Variants in CR2 observed in about 807,000 individuals in gnomAD.
The protein encoded by CR2 is complement C3d receptor 2.
In CR2, 96 loss-of-function variants were observed where a neutral mutation model predicts 123.0. The ratio of observed to expected loss-of-function variants is 0.78; its 90% CI spans 0.66 to 0.93. The LOEUF is 0.93. CR2 is among the 40% of genes least tolerant of loss of function. The pLI is 0.00. For synonymous variants in CR2, 484 were observed against 469.5 expected, an observed-to-expected ratio of 1.03 and a Z score of -0.40; for missense variants, 1,258 against 1,361.0, an observed-to-expected ratio of 0.92 and a Z score of 1.19.
chr1:207,487,382 G>A (rs1658779189), intron 19 of CR2, among the ~76,000 whole-genome samples: 1 of 152,124 alleles, frequency 6.6e-6, no homozygotes, highest in South Asian at 2.1e-4. Flanking sequence ...TACTTCCTAG[G>A]TTCAAGTGAT....
At chr1:207,485,163 A>C (rs1297708447) in intron 18 of CR2, among the ~76,000 whole-genome samples, 1 of 152,174 alleles carries the variant, frequency 6.6e-6, no homozygotes, top group Non-Finnish European at 1.5e-5. Context: ...CAGGGAGGGA[A>C]ACATCATACA....
In CR2 at chr1:207,468,655, G is replaced by A. The variant is rs1658174082; in HGVS notation, c.574G>A (p.Glu192Lys). 1 of 1,613,970 alleles carries A rather than the reference G, an allele frequency of 6.2e-7. No homozygotes were observed. Among genetic ancestry groups the A allele is most frequent in the African/African-American group, 1.3e-5 (1 of 74,892 alleles). The change falls in exon 3 of 20, where the codon GAA (glutamate) becomes AAA (lysine). Residue 192 changes from glutamate (E) to lysine (K), a missense_variant. Physicochemically the swap from Glu to Lys is moderately conservative, Grantham distance 56 (BLOSUM62 1). Coordinates refer to ENST00000367057, the MANE Select transcript of CR2 (RefSeq NM_001006658.3). ...TGAATCTGGTTACTTGCTTGTTGGAGAAAAGATCATTAACTGTTTGTCTTC... is the reference window on the plus strand; with the variant it reads ...TGAATCTGGTTACTTGCTTGTTGGAAAAAAGATCATTAACTGTTTGTCTTC... ...SCESGYLLVGEKIINCLSSGK... is the reference protein window; with the variant it reads ...SCESGYLLVGKKIINCLSSGK...
intron 15 of CR2, 50 bp from the exon 16 acceptor site, chr1:207,477,835 G>A (rs1207981136): frequency 6.3e-6 from 10 of 1,582,462 alleles, no homozygotes; most frequent in Admixed American, 1.7e-5. Context: ...TGCTTTCTTG[G>A]TAAAAGGCCA....
intron 19 of CR2, 134 bp from the exon 20 acceptor site, chr1:207,489,008 C>A (rs1329755484): frequency 6.6e-6 from 1 of 152,182 alleles, no homozygotes; most frequent in Non-Finnish European, 1.5e-5. Flanking sequence ...AGAATGATAT[C>A]TTCTAATAGA....
Position 207,480,037 on chromosome 1 carries a change from T to G in CR2, c.3172T>G (p.Ser1058Ala). ...GATTGTCATTACCTTATACGTGATA[T>G]CAAAACACAGAGCACGGTAAGTTCA... ...FLIVITLYVI[S>A]KHRARNYYTD... Residue 1058 changes from serine to alanine, a missense_variant, in exon 18 of 20, where the codon TCA becomes GCA. Physicochemically the swap from Ser to Ala is moderately conservative, Grantham distance 99. Transcript: ENST00000367057. 1 of 1,612,468 alleles carries G rather than the reference T, an allele frequency of 6.2e-7. No homozygotes were observed. Among genetic ancestry groups the G allele is most frequent in the Non-Finnish European group, 8.5e-7 (1 of 1,178,618 alleles).
chr1:207,457,491 C>T lies in CR2; in HGVS notation c.58+3015C>T, dbSNP rs150868219. On this transcript the variant is annotated intron_variant, in intron 1 of 19. Transcript: ENST00000367057. Reference sequence around the variant, plus strand: ...CCCACTGGAACTCCATTTTCCTGTCCCTCTTCTTGTTCTTCTCAGCAAAAC... The same window carrying T: ...CCCACTGGAACTCCATTTTCCTGTCTCTCTTCTTGTTCTTCTCAGCAAAAC... 4.6e-3 allele frequency among the ~76,000 whole-genome samples: 701 copies of T among 152,210 alleles called. 3 individuals are homozygous for T. The highest frequency in any genetic ancestry group is 0.012 in the African/African-American group (503 of 41,538).
chr1:207,486,162 CG>C (rs1427285602), intron 19 of CR2, among the ~76,000 whole-genome samples: 4 of 132,086 alleles, frequency 3.0e-5, no homozygotes, highest in Non-Finnish European at 6.2e-5. Flanking sequence ...GCCTAGGAGG[CG>C]GAGGTTGCAG....
chr1:207,454,702 A>G lies in CR2; in HGVS notation c.58+226A>G. On this transcript the variant is annotated intron_variant, in intron 1 of 19. Coordinates refer to ENST00000367057, the MANE Select transcript of CR2 (RefSeq NM_001006658.3). This position sits in a 1 kb window ranked among gnomAD's most constrained non-coding sequence, Gnocchi z 4.3. Reference sequence around the variant, plus strand: ...CCTCCAGAATTGGAGGCTGCGCCACAGAGGGGCGCTGTCTGGTCGGCCCGG... The same window carrying G: ...CCTCCAGAATTGGAGGCTGCGCCACGGAGGGGCGCTGTCTGGTCGGCCCGG... 1 of 476,926 alleles carries G rather than the reference A, an allele frequency of 2.1e-6. No homozygotes were observed. Among genetic ancestry groups the G allele is most frequent in the East Asian group, 3.6e-5 (1 of 27,702 alleles). The allele number at this position is 476,926 out of a possible 1,614,324, so 29.5% of individuals were successfully genotyped here.
chr1:207,475,673 C>T (rs1658416301), intron 14 of CR2, among the ~76,000 whole-genome samples: 1 of 152,162 alleles, frequency 6.6e-6, no homozygotes, highest in Non-Finnish European at 1.5e-5. Flanking sequence ...CAGCCTTATT[C>T]CTGTCCATGA....
chr1:207,472,969 G>A lies in CR2; in HGVS notation c.1768G>A (p.Ala590Thr). 6.2e-7 allele frequency: 1 copy of A among 1,613,988 alleles called. No homozygotes were observed. Among genetic ancestry groups the A allele is most frequent in the Non-Finnish European group, 8.5e-7 (1 of 1,179,922 alleles). Reference sequence around the variant, plus strand: ...AGAAAGAGGCACCTGGAGTGGCCCTGCTCCCCTGTGTAAACTTTCCCTCCT... The same window carrying A: ...AGAAAGAGGCACCTGGAGTGGCCCTACTCCCCTGTGTAAACTTTCCCTCCT... The part of the protein sequence containing the change: ...DQERGTWSGP[A>T]PLCKLSLLAV... Residue 590 changes from alanine to threonine, a missense_variant, in exon 10 of 20, where the codon GCT becomes ACT. By Grantham distance (58) the Ala-to-Thr change is moderately conservative. Transcript: ENST00000367057.
intron 1 of CR2, among the ~76,000 whole-genome samples, chr1:207,463,335 A>G (rs1658011009): frequency 6.6e-6 from 1 of 152,308 alleles, no homozygotes; most frequent in South Asian, 2.1e-4. Flanking sequence ...TAATTGCCAC[A>G]TACTTTTTAA....
chr1:207,474,114 A>AG lies in CR2; in HGVS notation c.2241-126dup, dbSNP rs1022876926. 14 of 934,160 alleles carry AG rather than the reference A, an allele frequency of 1.5e-5. No individual in the cohort carries two copies. The Admixed American group carries it at 2.5e-4, about 17-fold the overall frequency. 57.9% of individuals were successfully genotyped at this position (934,160 alleles called of 1,614,324 possible). A position where few individuals can be genotyped will look rare whatever the true frequency, so the allele number is the denominator to read the frequency against. On this transcript the variant is annotated intron_variant, in intron 12 of 19. Transcript: ENST00000367057. ...AGTTTTTTTACTTGGAGTAAAAAAA[A>AG]GTAGTTTTTTACTAGAATTTCAACT...
At chr1:207,471,708 C>A in intron 9 of CR2, 1 of 512,130 alleles carries the variant, frequency 2.0e-6, no homozygotes, top group Admixed American at 2.9e-5. Flanking sequence ...GTTACTGATT[C>A]TATTTTGTGG....
At position 207,454,507 on chromosome 1, in the gene CR2, G is replaced by A. The variant is rs1657780396; in HGVS notation, c.58+31G>A. ...CTGGGAGGGGGAGCACGGAGGTGGG[G>A]ACGCGTCCCGGGCAGGGAAAGTTTC... On this transcript the variant is annotated intron_variant, in intron 1 of 19. Coordinates refer to ENST00000367057, the MANE Select transcript of CR2 (RefSeq NM_001006658.3). This position sits in a 1 kb window ranked among gnomAD's most constrained non-coding sequence, Gnocchi z 4.3. The A allele has an allele frequency of 2.7e-6, 4 of 1,481,330 alleles. No homozygotes were observed. The highest frequency in any genetic ancestry group is 2.7e-6 in the Non-Finnish European group (3 of 1,102,192). 91.8% of individuals were successfully genotyped at this position (1,481,330 alleles called of 1,614,324 possible).
chr1:207,469,948 A>G lies in CR2; in HGVS notation c.1071A>G (p.Leu357=), dbSNP rs781486271. The G allele has an allele frequency of 1.9e-6, 3 of 1,613,816 alleles. No homozygotes were observed. The highest frequency in any genetic ancestry group is 1.7e-5 in the Admixed American group (1 of 59,958). Residue 357 remains leucine, a synonymous_variant, in exon 6 of 20, where the codon CTA becomes CTG. Coordinates refer to ENST00000367057, the MANE Select transcript of CR2 (RefSeq NM_001006658.3). ...SAVQCPHPQI[L]RGRMVSGQKD... ...TTCAGTGTCCACATCCCCAGATCCT[A>G]AGAGGCCGAATGGTATCTGGGCAGA...
chr1:207,459,846 C>T (rs753626212), intron 1 of CR2, among the ~76,000 whole-genome samples: 8 of 152,128 alleles, frequency 5.3e-5, no homozygotes, highest in Non-Finnish European at 1.2e-4. Flanking sequence ...TTCTGGCTTT[C>T]GTTACTAATG....
intron 19 of CR2, among the ~76,000 whole-genome samples, chr1:207,485,837 T>C (rs1273496889): frequency 6.6e-6 from 1 of 152,106 alleles, no homozygotes; most frequent in Non-Finnish European, 1.5e-5. Context: ...AAGCATTATA[T>C]AGAGACATAA....
intron 2 of CR2, chr1:207,468,317 A>G (rs919720342): frequency 8.5e-6 from 5 of 590,986 alleles, no homozygotes; most frequent in African/African-American, 5.6e-5. Flanking sequence ...AGAAATTCAT[A>G]AACTTTCTTA....
At chr1:207,455,167 G>T (rs1377208881) in intron 1 of CR2, among the ~76,000 whole-genome samples, 1 of 152,214 alleles carries the variant, frequency 6.6e-6, no homozygotes, top group Admixed American at 6.5e-5. Flanking sequence ...AGATTGGCTT[G>T]ATTTTAAAGA....
Sources: allele counts gnomAD v4.1 joint callset (sites outside exome capture counted in the v4.1 genomes callset), GRCh38; gene constraint gnomAD v4.1.1; non-coding constraint Gnocchi (gnomAD v3.1); transcripts MANE v1.5; gene names NCBI Gene and HGNC (gene_info 2026-07-23, HGNC 2026-07-21).